Variants in F8 observed in about 807,000 individuals in gnomAD.
F8 encodes antihemophilic factor.
Under a neutral mutation model 140.6 loss-of-function variants are expected in F8, and 12 were observed. The observed-to-expected ratio is 0.09, with a 90% CI of 0.05 to 0.14. The LOEUF is 0.14. Among genes scored for constraint, F8 ranks in the 10% least tolerant of loss-of-function variants. The pLI is 1.00. For missense variants in F8, 1,354 were observed against 1,720.7 expected (o/e 0.79, Z 3.77); for synonymous variants, 585 against 614.6 (o/e 0.95, Z 0.71).
intron 1 of F8, among the ~76,000 whole-genome samples, chrX:155,021,210 G>T (rs1238262386): frequency 9.1e-6 from 1 of 110,428 alleles, no homozygotes; most frequent in African/African-American, 3.3e-5. Flanking sequence ...TAATGTCCAA[G>T]AAAACCTTTG....
chrX:154,991,535 A>G (rs1194169195), intron 4 of F8, among the ~76,000 whole-genome samples: 1 of 112,283 alleles, frequency 8.9e-6, no homozygotes, highest in Non-Finnish European at 1.9e-5. Context: ...TTCACCTGGA[A>G]CTAGAACCTC....
At chrX:154,839,584 G>C (rs1421977042) in intron 25 of F8, among the ~76,000 whole-genome samples, 1 of 110,337 alleles carries the variant, frequency 9.1e-6, no homozygotes, top group Non-Finnish European at 1.9e-5. Flanking sequence ...GGATGGTCTT[G>C]ATCTCCTGAC....
At chrX:154,981,748 A>T (rs192159168) in intron 6 of F8, among the ~76,000 whole-genome samples, 8 of 111,877 alleles carry the variant, frequency 7.2e-5, no homozygotes, top group Admixed American at 5.7e-4. Flanking sequence ...GAACTGCATG[A>T]GTCCACTTAT....
At chrX:154,902,304 A>C (rs2073014402) in intron 18 of F8, 137 bp from the exon 19 acceptor site, 1 of 516,622 alleles carries the variant, frequency 1.9e-6, no homozygotes, top group Non-Finnish European at 3.5e-6. Context: ...TCAAATGCAA[A>C]GTGCTTGCTA....
At chrX:154,865,359 A>C (rs1366514226) in intron 22 of F8, among the ~76,000 whole-genome samples, 2 of 111,330 alleles carry the variant, frequency 1.8e-5, no homozygotes, top group South Asian at 3.7e-4. Flanking sequence ...TAAAAAAAAA[A>C]CAGTAACACA....
intron 13 of F8, among the ~76,000 whole-genome samples, chrX:154,947,467 A>G (rs1557280395): frequency 9.0e-6 from 1 of 111,140 alleles, no homozygotes; most frequent in African/African-American, 3.3e-5. Flanking sequence ...ACTGTGGAAA[A>G]GAGTAAGGAG....
chrX:154,921,379 A>G (rs2124033235), intron 14 of F8, among the ~76,000 whole-genome samples: 1 of 111,978 alleles, frequency 8.9e-6, no homozygotes, highest in East Asian at 2.8e-4. Context: ...TCAGGAAACA[A>G]CACGTGCTGG....
At chrX:154,975,928 G>A (rs782172288) in intron 6 of F8, among the ~76,000 whole-genome samples, 2 of 110,771 alleles carry the variant, frequency 1.8e-5, no homozygotes, top group Non-Finnish European at 1.9e-5. Context: ...ACAGATTCTC[G>A]CTGTGTGCCC....
chrX:155,010,321 G>T (rs2073700594), intron 1 of F8, among the ~76,000 whole-genome samples: 1 of 111,913 alleles, frequency 8.9e-6, no homozygotes. Context: ...GACATGAACT[G>T]TTCTTTCACA....
At chrX:154,852,051 TAG>T (rs1202102292) in intron 25 of F8, among the ~76,000 whole-genome samples, 6 of 111,790 alleles carry the variant, frequency 5.4e-5, no homozygotes, top group Non-Finnish European at 9.4e-5. Flanking sequence ...CTTTTATATT[TAG>T]TTTTTTGATA....
chrX:154,972,717 T>TC (rs1385536128), intron 6 of F8, among the ~76,000 whole-genome samples: 1 of 82,237 alleles, frequency 1.2e-5, no homozygotes, highest in Non-Finnish European at 2.4e-5. Flanking sequence ...CTTTTTTTTT[T>TC]TTTTTTTTTT....
At chrX:154,939,117 T>C (rs1557279443) in intron 13 of F8, among the ~76,000 whole-genome samples, 1 of 111,115 alleles carries the variant, frequency 9.0e-6, no homozygotes, top group Non-Finnish European at 1.9e-5. Context: ...ATTTCTGCAT[T>C]TCCAACTGAG....
chrX:154,957,180 A>G lies in F8; in HGVS notation c.1538-9T>C. 3 of 1,159,712 alleles carry G rather than the reference A, an allele frequency of 2.6e-6. No homozygotes were observed. Among genetic ancestry groups the G allele is most frequent in the Non-Finnish European group, 2.4e-6 (2 of 849,910 alleles). On this transcript the variant is annotated splice_polypyrimidine_tract_variant and intron_variant, in intron 10 of 25. Transcript: ENST00000360256. ...CTTCAAATGTTTTACACCTACCCAC[A>G]AGCAAAACCATAAATAGCTCAATTA...
chrX:155,003,833 T>C (rs1557285860), intron 1 of F8, among the ~76,000 whole-genome samples: 2 of 108,772 alleles, frequency 1.8e-5, no homozygotes, highest in East Asian at 5.7e-4. Context: ...TGGTGGCGGG[T>C]GCCTGTAGTC....
rs140493396 is a variant in F8, at chrX:154,965,977, G to T, written c.1436C>A (p.Thr479Lys). Reference protein sequence around the residue: ...GPLLYGEVGDTLLIIFKNQAS... With the variant: ...GPLLYGEVGDKLLIIFKNQAS... Reference sequence around the variant, plus strand: ...ATCTTTTCTTCAACTTACCAACAGTGTGTCTCCAACTTCCCCATAAAGTAA... The same window carrying T: ...ATCTTTTCTTCAACTTACCAACAGTTTGTCTCCAACTTCCCCATAAAGTAA... The change falls in exon 9 of 26, where the codon ACA (threonine) becomes AAA (lysine). Residue 479 changes from threonine to lysine, a missense_variant. By Grantham distance (78) the Thr-to-Lys change is moderately conservative (BLOSUM62 -1). Coordinates refer to ENST00000360256, the MANE Select transcript of F8 (RefSeq NM_000132.4). The T allele has an allele frequency of 5.8e-6, 7 of 1,209,179 alleles. No individual in the cohort carries two copies. In the African/African-American group the frequency reaches 1.2e-4, roughly 21 times the overall value.
chrX:154,876,010 A>G (rs185739360), intron 22 of F8, among the ~76,000 whole-genome samples: 50 of 111,118 alleles, frequency 4.5e-4, no homozygotes, highest in African/African-American at 1.5e-3. Flanking sequence ...ACTGAAAATG[A>G]TATCACTCAT....
chrX:154,910,703 T>C (rs1211770268), intron 14 of F8, among the ~76,000 whole-genome samples: 2 of 111,859 alleles, frequency 1.8e-5, no homozygotes, highest in Non-Finnish European at 3.8e-5. Flanking sequence ...GCCTGAGATA[T>C]GGCCTCGTGG....
chrX:154,928,876 C>A lies in F8; in HGVS notation c.4914G>T (p.Lys1638Asn). Residue 1638 changes from lysine to asparagine, a missense_variant, in exon 14 of 26, where the codon AAG becomes AAT. Around this residue, in one of 4 missense-constraint regions of F8, gnomAD observed 658 missense variants for 666.5 expected, o/e 0.99. Transcript: ENST00000360256. ...TTGCCCAGGTGACTTCTATTTCGGG[C>A]TTATTTTGTCCCTCATTTATTGCTG... The part of the protein sequence containing the change: ...AIAAINEGQN[K>N]PEIEVTWAKQ... The A allele has an allele frequency of 1.7e-6, 2 of 1,211,773 alleles. No homozygotes were observed. Among genetic ancestry groups the A allele is most frequent in the Non-Finnish European group, 2.2e-6 (2 of 895,536 alleles).
chrX:154,910,469 C>T (rs147346816), intron 14 of F8, among the ~76,000 whole-genome samples: 2,469 of 110,521 alleles, frequency 0.022, 36 homozygotes, highest in South Asian at 0.042. Flanking sequence ...ATGTAAATGA[C>T]GAGTTAGTGG....
Sources: gnomAD v4.1 joint callset for allele counts (sites outside exome capture counted in the v4.1 genomes callset) on GRCh38, gnomAD v4.1.1 for gene constraint, gnomAD v4.1.1 regional missense constraint, MANE v1.5 for transcripts, NCBI Gene and HGNC (gene_info 2026-07-23, HGNC 2026-07-21) for gene names.